Variants in GPR89A observed in about 807,000 individuals in gnomAD.
The protein encoded by GPR89A is G protein-coupled receptor 89A.
A neutral mutation model predicts 52.0 loss-of-function variants in GPR89A; 16 were observed. The observed-to-expected ratio is 0.31, with a 90% CI of 0.21 to 0.47. The LOEUF (loss-of-function observed/expected upper bound fraction) is 0.47, where lower values mean the gene tolerates loss of function less well. GPR89A is among the 20% of genes least tolerant of loss of function. The pLI, the probability that GPR89A is intolerant of heterozygous loss-of-function variation, is 1.00. For synonymous variants in GPR89A, 55 were observed against 150.9 expected (o/e 0.36, Z 4.66); for missense variants, 135 against 449.4 (o/e 0.30, Z 6.33).
intron 5 of GPR89A, among the ~76,000 whole-genome samples, chr1:145,628,875 G>A (rs1649699474): frequency 6.6e-6 from 1 of 152,146 alleles, no homozygotes; most frequent in African/African-American, 2.4e-5. Context: ...ATAGATGGGG[G>A]TTGGTAACTA....
At chr1:145,626,744 G>C (rs1295412058) in intron 5 of GPR89A, among the ~76,000 whole-genome samples, 2 of 151,640 alleles carry the variant, frequency 1.3e-5, no homozygotes, top group African/African-American at 4.9e-5. Flanking sequence ...GAGGCCAGGA[G>C]TTAGAGACCA....
intron 1 of GPR89A, among the ~76,000 whole-genome samples, chr1:145,615,378 CTG>C (rs1553686779): frequency 6.6e-6 from 1 of 152,092 alleles, no homozygotes; most frequent in Non-Finnish European, 1.5e-5. Context: ...GGGTCTCACT[CTG>C]TTGCCCAGGC....
At chr1:145,638,185 TA>T (rs1443366562) in intron 7 of GPR89A, among the ~76,000 whole-genome samples, 1 of 149,128 alleles carries the variant, frequency 6.7e-6, no homozygotes, top group Non-Finnish European at 1.5e-5. Flanking sequence ...AAAATAAAAA[TA>T]AAAATTGAGA....
At chr1:145,646,061 A>G (rs1249362366) in intron 8 of GPR89A, 123 bp from the exon 9 acceptor site, 21 of 1,470,866 alleles carry the variant, frequency 1.4e-5, no homozygotes, top group Non-Finnish European at 1.7e-5. Context: ...GCTATGAAAC[A>G]GGAAATTGAG....
At position 145,646,242 on chromosome 1, in the gene GPR89A, T is replaced by C; in HGVS notation, c.786T>C (p.Phe262=). ...DALEELSRQL[F]LETADLYATK... ...TGGAAGAATTAAGCAGGCAGCTTTT[T>C]CTGGAAACAGCTGATCTATATGCTA... The change falls in exon 9 of 14, where the codon TTT becomes TTC. Residue 262 remains phenylalanine, a synonymous_variant. Transcript: ENST00000313835. The C allele has an allele frequency of 6.2e-7, 1 of 1,612,372 alleles. No homozygotes were observed. Among genetic ancestry groups the C allele is most frequent in the Middle Eastern group, 1.7e-4 (1 of 6,056 alleles).
chr1:145,666,497 C>G, intron 12 of GPR89A, among the ~76,000 whole-genome samples: 1 of 151,902 alleles, frequency 6.6e-6, no homozygotes, highest in African/African-American at 2.4e-5. Context: ...CACTTAAAAT[C>G]TCAGTTTCCA....
At chr1:145,659,862 C>T (rs1207035060) in intron 10 of GPR89A, among the ~76,000 whole-genome samples, 2 of 141,852 alleles carry the variant, frequency 1.4e-5, no homozygotes, top group Non-Finnish European at 3.0e-5. Flanking sequence ...TTACCTTGGG[C>T]AGTATGGCCA....
At chr1:145,668,492 A>T (rs1459020564) in intron 12 of GPR89A, among the ~76,000 whole-genome samples, 1 of 152,286 alleles carries the variant, frequency 6.6e-6, no homozygotes, top group Non-Finnish European at 1.5e-5. Context: ...GGGGTTTTCT[A>T]TATATACAGT....
At chr1:145,629,714 T>C (rs1455853720) in intron 5 of GPR89A, among the ~76,000 whole-genome samples, 1 of 151,562 alleles carries the variant, frequency 6.6e-6, no homozygotes, top group East Asian at 2.0e-4. Context: ...GGTGAGAGAA[T>C]TTGAAGCCAG....
chr1:145,655,848 T>C (rs1651775151), intron 10 of GPR89A, among the ~76,000 whole-genome samples: 1 of 151,966 alleles, frequency 6.6e-6, no homozygotes. Context: ...ATCCCCCTCC[T>C]CTGGACTGCC....
intron 3 of GPR89A, among the ~76,000 whole-genome samples, chr1:145,619,407 C>T (rs1648954129): frequency 6.7e-6 from 1 of 148,550 alleles, no homozygotes; most frequent in Admixed American, 6.7e-5. Flanking sequence ...TGCAGGGGTT[C>T]AAGACGAGCC....
At chr1:145,621,725 T>C (rs1387615626) in intron 3 of GPR89A, among the ~76,000 whole-genome samples, 3 of 152,200 alleles carry the variant, frequency 2.0e-5, no homozygotes, top group African/African-American at 7.2e-5. Flanking sequence ...AGAATTCTTA[T>C]AGTTTAATCA....
intron 3 of GPR89A, among the ~76,000 whole-genome samples, chr1:145,620,649 A>G (rs1649077975): frequency 6.7e-6 from 1 of 148,908 alleles, no homozygotes; most frequent in South Asian, 2.2e-4. Context: ...GTTTCACCCA[A>G]TTATGGAACA....
chr1:145,617,235 C>T (rs1648769945), intron 2 of GPR89A, among the ~76,000 whole-genome samples: 1 of 152,162 alleles, frequency 6.6e-6, no homozygotes, highest in Admixed American at 6.5e-5. Context: ...AAGAATTCAG[C>T]AGTATTTCTC....
intron 5 of GPR89A, among the ~76,000 whole-genome samples, chr1:145,628,538 G>A (rs1330061885): frequency 4.6e-5 from 7 of 151,820 alleles, no homozygotes; most frequent in Non-Finnish European, 8.8e-5. Context: ...CCTTTTATCT[G>A]TGTGGCCTTA....
intron 3 of GPR89A, among the ~76,000 whole-genome samples, chr1:145,622,031 A>G (rs1553688217): frequency 6.6e-6 from 1 of 151,288 alleles, no homozygotes; most frequent in Non-Finnish European, 1.5e-5. Context: ...TGCCTAAAAG[A>G]TTAAATATAG....
chr1:145,634,803 A>G lies in GPR89A; in HGVS notation c.617+3059A>G, dbSNP rs1383290760. Among the ~76,000 whole-genome samples the G allele has an allele frequency of 9.9e-5, 15 of 151,834 alleles. No homozygotes were observed. In the East Asian group the frequency reaches 1.4e-3, roughly 14 times the overall value. The stretch of plus-strand genomic sequence containing the variant: ...AATTATTAATAGTCTCTACAGTACA[A>G]TCATTTGCTTTTCATGCTTTGCCTT... On this transcript the variant is annotated intron_variant, in intron 7 of 13. Coordinates refer to ENST00000313835, the MANE Select transcript of GPR89A (RefSeq NM_001097612.2).
At chr1:145,666,672 T>C (rs1652571086) in intron 12 of GPR89A, among the ~76,000 whole-genome samples, 1 of 151,250 alleles carries the variant, frequency 6.6e-6, no homozygotes, top group South Asian at 2.1e-4. Context: ...TCATTTACAT[T>C]AGGTATATCT....
intron 1 of GPR89A, among the ~76,000 whole-genome samples, chr1:145,615,321 A>T (rs1205119794): frequency 6.6e-6 from 1 of 152,084 alleles, no homozygotes; most frequent in Admixed American, 6.6e-5. Context: ...TCTCCCCTGA[A>T]GTTTTTATTT....
Sources: gnomAD v4.1 joint callset for allele counts (sites outside exome capture counted in the v4.1 genomes callset) on GRCh38, gnomAD v4.1.1 for gene constraint, MANE v1.5 for transcripts, NCBI Gene and HGNC (gene_info 2026-07-23, HGNC 2026-07-21) for gene names.